Variants in CDH23 observed in about 807,000 individuals in gnomAD.
The protein encoded by CDH23 is cadherin related 23, also known as cadherin-23.
CDH23 carries 189 observed loss-of-function variants against 317.1 expected under a neutral mutation model. The observed-to-expected ratio is 0.60, with a 90% CI of 0.53 to 0.67. CDH23 has a LOEUF of 0.67. Ranked by LOEUF, CDH23 falls within the 30% of genes least tolerant of loss-of-function variation. CDH23 has a pLI of 0.00. For synonymous variants in CDH23, 1,839 were observed against 1,876.8 expected (o/e 0.98, Z 0.52); for missense variants, 4,401 against 4,592.4 (o/e 0.96, Z 1.20).
At position 71,730,553 on chromosome 10, in the gene CDH23, G is replaced by A. The variant is rs41281316; in HGVS notation, c.3664G>A (p.Ala1222Thr). ...QYSRLGLRET[A>T]GIGTSVIVVQ... ...CAGCCGTCTGGGGCTTCGAGAGACC[G>A]CAGGCATTGGAACGTCAGTCATCGT... Residue 1222 changes from alanine to threonine, a missense_variant, in exon 31 of 70, where the codon GCA becomes ACA. Around this residue, in one of 3 missense-constraint regions of CDH23, gnomAD observed 3,068 missense variants for 3,203.3 expected, o/e 0.96. Coordinates refer to ENST00000224721, the MANE Select transcript of CDH23 (RefSeq NM_022124.6). 0.025 allele frequency: 41,061 copies of A among 1,613,902 alleles called. 621 individuals carry two copies. The highest frequency in any genetic ancestry group is 0.035 in the Middle Eastern group (209 of 6,036).
At position 71,752,985 on chromosome 10, in the gene CDH23, G is replaced by C. The variant is rs143020453; in HGVS notation, c.4845+11064G>C. 4 of 1,612,694 alleles carry C rather than the reference G, an allele frequency of 2.5e-6. No individual in the cohort carries two copies. In the Admixed American group the frequency reaches 6.7e-5, roughly 27 times the overall value. ...CTCCATGGGCCTTACCTGTCCATCC[G>C]CACCAGCTCCTGGGCACCTAGGGAC... On this transcript the variant is annotated intron_variant, in intron 38 of 69. Transcript: ENST00000224721.
chr10:71,702,141 G>A lies in CDH23; in HGVS notation c.2517G>A (p.Met839Ile). 2 of 1,613,966 alleles carry A rather than the reference G, an allele frequency of 1.2e-6. No homozygotes were observed. The highest frequency in any genetic ancestry group is 8.5e-7 in the Non-Finnish European group (1 of 1,179,888). ...TTGKIRTTHA[M>I]LDRENPDPHE... The stretch of plus-strand genomic sequence containing the variant: ...GCAAGATCCGCACCACCCACGCCAT[G>A]CTGGACCGGGAGAACCCCGACCCCC... Residue 839 changes from methionine to isoleucine, a missense_variant, in exon 23 of 70, where the codon ATG becomes ATA. Around this residue, in one of 3 missense-constraint regions of CDH23, gnomAD observed 3,068 missense variants for 3,203.3 expected, o/e 0.96. Coordinates refer to ENST00000224721, the MANE Select transcript of CDH23 (RefSeq NM_022124.6).
chr10:71,784,936 G>C lies in CDH23; in HGVS notation c.5548G>C (p.Val1850Leu). 1 of 1,614,070 alleles carries C rather than the reference G, an allele frequency of 6.2e-7. No individual in the cohort carries two copies. Among genetic ancestry groups the C allele is most frequent in the Non-Finnish European group, 8.5e-7 (1 of 1,179,928 alleles). The part of the protein sequence containing the change: ...RVLDINDNDP[V>L]LLNLPMNITI... ...GCTGGACATCAACGACAACGACCCT[G>C]TGCTGCTGAACCTGCCCATGAACAT... Residue 1850 changes from valine (V) to leucine (L), a missense_variant, in exon 43 of 70, where the codon GTG becomes CTG. Transcript: ENST00000224721.
At chr10:71,713,359 T>C in intron 28 of CDH23, 1 of 754,226 alleles carries the variant, frequency 1.3e-6, no homozygotes, top group South Asian at 1.4e-5. Context: ...CCCAGAGGCC[T>C]CAGTTGCTGG....
chr10:71,403,015 G>T (rs1018418095), intron 1 of CDH23, among the ~76,000 whole-genome samples: 1 of 152,090 alleles, frequency 6.6e-6, no homozygotes, highest in Non-Finnish European at 1.5e-5. Context: ...CCAGCTACTC[G>T]GGAGGCTGAG....
chr10:71,453,169 A>T (rs1301481984), intron 3 of CDH23, among the ~76,000 whole-genome samples: 1 of 152,234 alleles, frequency 6.6e-6, no homozygotes, highest in East Asian at 1.9e-4. Flanking sequence ...AATCACCTAC[A>T]CGAGTAAATT....
intron 6 of CDH23, among the ~76,000 whole-genome samples, chr10:71,542,227 A>G (rs1465513935): frequency 6.6e-6 from 1 of 152,238 alleles, no homozygotes; most frequent in Non-Finnish European, 1.5e-5. Context: ...ACAGCCAGGT[A>G]TCTGGGCATC....
chr10:71,729,773 C>G (rs1028657774), intron 30 of CDH23, among the ~76,000 whole-genome samples: 29 of 152,072 alleles, frequency 1.9e-4, no homozygotes, highest in African/African-American at 6.5e-4. Flanking sequence ...TTTGCAGGCC[C>G]TGGCTCATTT....
intron 20 of CDH23, among the ~76,000 whole-genome samples, chr10:71,693,627 C>T (rs569869710): frequency 3.3e-5 from 5 of 152,110 alleles, no homozygotes; most frequent in Non-Finnish European, 7.4e-5. Flanking sequence ...ATAAACAGTG[C>T]CTGGCACTGT....
At chr10:71,680,302 C>G (rs1864563301) in intron 17 of CDH23, among the ~76,000 whole-genome samples, 1 of 152,208 alleles carries the variant, frequency 6.6e-6, no homozygotes, top group Non-Finnish European at 1.5e-5. Context: ...TCATTTAACA[C>G]CTCCTCCTTT....
At chr10:71,427,251 G>T (rs1295615608) in intron 1 of CDH23, among the ~76,000 whole-genome samples, 1 of 136,756 alleles carries the variant, frequency 7.3e-6, no homozygotes, top group South Asian at 2.5e-4. Context: ...GAAAGGGAAA[G>T]AAAGAAAGAG....
chr10:71,701,971 A>G, intron 22 of CDH23, 51 bp from the exon 23 acceptor site: 1 of 1,590,030 alleles, frequency 6.3e-7, no homozygotes, highest in Non-Finnish European at 8.6e-7. Context: ...CAGCCCAGAG[A>G]CACCCTCCCC....
Position 71,571,276 on chromosome 10 carries a change from G to A in CDH23, c.753+358G>A, listed in dbSNP as rs552692245. ...TCTGGCTCCACAGAACATCAGTGTG[G>A]CTCAGCCGTGTCTCTGCCGTGTCAG... On this transcript the variant is annotated intron_variant, in intron 8 of 69. Transcript: ENST00000224721. Among the ~76,000 whole-genome samples, 24 of 151,374 alleles carry A rather than the reference G, an allele frequency of 1.6e-4. No individual in the cohort carries two copies. The South Asian group carries it at 4.9e-3, about 31-fold the overall frequency.
intron 11 of CDH23, among the ~76,000 whole-genome samples, chr10:71,637,965 T>C (rs970575252): frequency 2.6e-5 from 4 of 151,804 alleles, no homozygotes; most frequent in African/African-American, 9.7e-5. Context: ...CAAGGGCACA[T>C]TGTAGTTTAC....
chr10:71,772,366 G>A (rs919287988), intron 38 of CDH23, among the ~76,000 whole-genome samples: 3 of 152,078 alleles, frequency 2.0e-5, no homozygotes, highest in Non-Finnish European at 2.9e-5. Flanking sequence ...GCCTCCCTCC[G>A]AGTCCCTGCA....
intron 38 of CDH23, among the ~76,000 whole-genome samples, chr10:71,747,249 T>A (rs1839874377): frequency 6.6e-6 from 1 of 152,194 alleles, no homozygotes. Flanking sequence ...TGGGCCACTG[T>A]GCCTATCAGG....
intron 42 of CDH23, 71 bp downstream of exon 42, chr10:71,784,491 C>A: frequency 6.4e-7 from 1 of 1,557,246 alleles, no homozygotes; most frequent in South Asian, 1.2e-5. Flanking sequence ...TTCTTGTAAA[C>A]ATTGTTACCC....
intron 8 of CDH23, 124 bp downstream of exon 8, chr10:71,571,042 C>T (rs1016814480): frequency 3.0e-5 from 32 of 1,061,746 alleles, no homozygotes; most frequent in Non-Finnish European, 3.4e-5. Flanking sequence ...AGTCCCTGTG[C>T]GTGGCAGTGA....
intron 3 of CDH23, among the ~76,000 whole-genome samples, chr10:71,480,806 A>G (rs1852029115): frequency 6.6e-6 from 1 of 151,662 alleles, no homozygotes; most frequent in African/African-American, 2.4e-5. Context: ...GAAGAAGGAC[A>G]TGATGGAGAT....
Sources: allele counts gnomAD v4.1 joint callset (sites outside exome capture counted in the v4.1 genomes callset), GRCh38; gene constraint gnomAD v4.1.1; regional missense constraint gnomAD v4.1.1; transcripts MANE v1.5; gene names NCBI Gene and HGNC (gene_info 2026-07-23, HGNC 2026-07-21).